The following RNF17 variants were observed in gnomAD, a reference collection of about 807,000 sequenced individuals.
RNF17 encodes ring finger protein 17.
Under a neutral mutation model 200.5 loss-of-function variants are expected in RNF17, and 31 were observed. That is an observed-to-expected ratio of 0.15 (90% confidence interval 0.12 to 0.21). The LOEUF is 0.21. Among genes scored for constraint, RNF17 ranks in the 10% least tolerant of loss-of-function variants. The pLI, the probability that RNF17 is intolerant of heterozygous loss-of-function variation, is 1.00. For missense variants in RNF17, 1,628 were observed against 1,905.1 expected, an observed-to-expected ratio of 0.85 and a Z score of 2.71; for synonymous variants, 606 against 637.8, an observed-to-expected ratio of 0.95 and a Z score of 0.75.
In RNF17 at chr13:24,854,827, T is replaced by C. The variant is rs547867684; in HGVS notation, c.3610+683T>C. On this transcript the variant is annotated intron_variant, in intron 25 of 35. Transcript: ENST00000255324. Reference sequence around the variant, plus strand: ...AAGTTACTATAAAATGTTATTTATGTGAAAGAGTATAAAATGTATTATTTA... The same window carrying C: ...AAGTTACTATAAAATGTTATTTATGCGAAAGAGTATAAAATGTATTATTTA... 2.6e-5 allele frequency among the ~76,000 whole-genome samples: 4 copies of C among 152,270 alleles called. No homozygotes were observed. In the South Asian group the frequency reaches 8.3e-4, roughly 32 times the overall value.
intron 28 of RNF17, among the ~76,000 whole-genome samples, 187 bp from the exon 29 acceptor site, chr13:24,864,686 A>G (rs1249694682): frequency 6.6e-6 from 1 of 152,202 alleles, no homozygotes; most frequent in Admixed American, 6.5e-5. Flanking sequence ...TACATAAACC[A>G]AAGTAGTAGA....
intron 6 of RNF17, among the ~76,000 whole-genome samples, chr13:24,784,421 GTTGA>G (rs1189697312): frequency 6.6e-6 from 1 of 152,180 alleles, no homozygotes; most frequent in African/African-American, 2.4e-5. Flanking sequence ...GAGGATTGGT[GTTGA>G]TTATTACATG....
intron 23 of RNF17, 82 bp from the exon 24 acceptor site, chr13:24,851,374 G>C (rs1397115217): frequency 2.1e-6 from 2 of 930,326 alleles, no homozygotes; most frequent in Non-Finnish European, 3.4e-6. Flanking sequence ...AAATGTAGAA[G>C]AACTGCCTGT....
At chr13:24,885,929 C>T in the RNF17 span, 1 of 495,342 alleles carries the variant, frequency 2.0e-6, no homozygotes, top group Admixed American at 3.3e-5. Context: ...CCTGACAGAC[C>T]CAAATGTATT....
At chr13:24,751,478 C>T in the RNF17 span, 2 of 152,188 alleles carry the variant, frequency 1.3e-5, no homozygotes, top group East Asian at 3.9e-4. Context: ...ACAGACTCTT[C>T]CATTTCGGTG....
intron 16 of RNF17, among the ~76,000 whole-genome samples, chr13:24,829,743 T>A (rs538629429): frequency 6.6e-6 from 1 of 152,230 alleles, no homozygotes; most frequent in Non-Finnish European, 1.5e-5. Context: ...AAAAGGTTAG[T>A]GTGTGATACG....
At chr13:24,752,321 G>C in the RNF17 span, 2 of 175,902 alleles carry the variant, frequency 1.1e-5, no homozygotes. Flanking sequence ...CAGGCCAAAC[G>C]TACAGCAGCC....
upstream of RNF17, among the ~76,000 whole-genome samples, chr13:24,763,642 T>C (rs1055091493): frequency 1.3e-5 from 2 of 152,178 alleles, no homozygotes; most frequent in African/African-American, 4.8e-5. Context: ...TCATAAATTC[T>C]TAGCATCCCC....
At chr13:24,811,683 G>A (rs1439813293) in intron 15 of RNF17, among the ~76,000 whole-genome samples, 1 of 152,196 alleles carries the variant, frequency 6.6e-6, no homozygotes, top group Non-Finnish European at 1.5e-5. Flanking sequence ...TGTTGCTGGT[G>A]AGGAACTCTA....
At chr13:24,809,277 G>T (rs1481589924) in intron 15 of RNF17, among the ~76,000 whole-genome samples, 2 of 151,050 alleles carry the variant, frequency 1.3e-5, no homozygotes, top group Admixed American at 6.6e-5. Flanking sequence ...TCTGGTCCTG[G>T]ACTCTTTTTG....
At chr13:24,828,291 T>C (rs1011770250) in intron 16 of RNF17, among the ~76,000 whole-genome samples, 2 of 152,096 alleles carry the variant, frequency 1.3e-5, no homozygotes, top group Non-Finnish European at 2.9e-5. Flanking sequence ...TAGAAATGTA[T>C]GTGTGATTTG....
chr13:24,838,663 A>T (rs143999391), intron 18 of RNF17, among the ~76,000 whole-genome samples: 2 of 152,294 alleles, frequency 1.3e-5, no homozygotes, highest in Admixed American at 6.5e-5. Context: ...CATACAAGGG[A>T]CATACCTTAA....
chr13:24,852,134 CTCT>C (rs1205511237), intron 24 of RNF17, among the ~76,000 whole-genome samples: 12 of 126,962 alleles, frequency 9.5e-5, no homozygotes, highest in African/African-American at 3.3e-4. Context: ...TTCTCTCTCT[CTCT>C]TTTTTTTTTT....
At chr13:24,782,606 G>GA (rs527969767) in intron 6 of RNF17, among the ~76,000 whole-genome samples, 1 of 29,800 alleles carries the variant, frequency 3.4e-5, no homozygotes, top group East Asian at 1.2e-3. Context: ...AGGCTGAGAT[G>GA]GGGGGGGGAT....
chr13:24,874,095 C>T lies in RNF17; in HGVS notation c.4448-19C>T, dbSNP rs1473721528. 6.2e-7 allele frequency: 1 copy of T among 1,601,310 alleles called. No homozygotes were observed. Among genetic ancestry groups the T allele is most frequent in the Non-Finnish European group, 8.5e-7 (1 of 1,176,668 alleles). On this transcript the variant is annotated intron_variant, in intron 32 of 35. Coordinates refer to ENST00000255324, the MANE Select transcript of RNF17 (RefSeq NM_031277.3). ...TAATGAAAGACAATATGATTTTTTCCCTTTTTCTGTCTTTCCAGAAATGCC... is the reference window on the plus strand; with the variant it reads ...TAATGAAAGACAATATGATTTTTTCTCTTTTTCTGTCTTTCCAGAAATGCC...
upstream of RNF17, among the ~76,000 whole-genome samples, chr13:24,760,089 T>A (rs6490978): frequency 6.6e-6 from 1 of 151,966 alleles, no homozygotes; most frequent in Admixed American, 6.6e-5. Flanking sequence ...TGCAGCGAGC[T>A]GAGATCACGC....
rs755966871 is a variant in RNF17, at chr13:24,862,763, T to C, written c.3945T>C (p.Leu1315=). Residue 1315 remains leucine, a synonymous_variant, in exon 28 of 36, where the codon CTT becomes CTC. Transcript: ENST00000255324. ...PDAIEVLQQL[L]SKRQVDIHIM... Reference sequence around the variant, plus strand: ...CAATAGAAGTTCTTCAACAACTGCTTTCAAAGAGACAGGTGGACATTCACA... The same window carrying C: ...CAATAGAAGTTCTTCAACAACTGCTCTCAAAGAGACAGGTGGACATTCACA... 3 of 1,607,098 alleles carry C rather than the reference T, an allele frequency of 1.9e-6. No individual in the cohort carries two copies. The African/African-American group carries it at 4.0e-5, about 21-fold the overall frequency.
rs553588385 is a variant in RNF17 at position 24,819,316 on chromosome 13, T to A, written c.2092-6303T>A. Among the ~76,000 whole-genome samples, 300 of 152,304 alleles carry A rather than the reference T, an allele frequency of 2.0e-3. 14 individuals are homozygous for A. The South Asian group carries it at 0.06, about 31-fold the overall frequency. On this transcript the variant is annotated intron_variant, in intron 15 of 35. Coordinates refer to ENST00000255324, the MANE Select transcript of RNF17 (RefSeq NM_031277.3). ...TTCTGTGACTGGCTTATTTTACTTA[T>A]AATAATGTCCTAAAGATTCATCCAT... is the stretch of plus-strand genomic sequence containing the variant.
At chr13:24,881,206 G>C (rs56080811), downstream of RNF17, among the ~76,000 whole-genome samples, 536 of 151,850 alleles carry the variant, frequency 3.5e-3, no homozygotes, top group Non-Finnish European at 6.2e-3. Flanking sequence ...GAGTGCAGTG[G>C]CATGGTCTCA....
Sources: allele counts gnomAD v4.1 joint callset (sites outside exome capture counted in the v4.1 genomes callset), GRCh38; gene constraint gnomAD v4.1.1; transcripts MANE v1.5; gene names NCBI Gene and HGNC (gene_info 2026-07-23, HGNC 2026-07-21).